The following EIF2S2 variants were observed in gnomAD, a reference collection of about 807,000 sequenced individuals.
The protein encoded by EIF2S2 is eukaryotic translation initiation factor 2 subunit 2.
In EIF2S2, 4 loss-of-function variants were observed where a neutral mutation model predicts 44.0. The ratio of observed to expected loss-of-function variants is 0.09; its 90% confidence interval spans 0.04 to 0.21. The LOEUF (loss-of-function observed/expected upper bound fraction) is 0.21. Among genes scored for constraint, EIF2S2 ranks in the 10% least tolerant of loss-of-function variants. The probability of loss-of-function intolerance (pLI) is 1.00; values close to 1 mark genes in which losing one functional copy is unlikely to be tolerated. For missense variants in EIF2S2, 154 were observed against 392.0 expected, an observed-to-expected ratio of 0.39 and a Z score of 5.13; for synonymous variants, 108 against 128.3, an observed-to-expected ratio of 0.84 and a Z score of 1.07.
intron 3 of EIF2S2, 76 bp downstream of exon 3, chr20:34,103,386 C>T: frequency 1.4e-6 from 2 of 1,462,998 alleles, no homozygotes; most frequent in Non-Finnish European, 1.8e-6. Context: ...AGAGATGAGT[C>T]AAAGAGAGGG....
At chr20:34,104,528 A>G (rs989668597) in intron 2 of EIF2S2, among the ~76,000 whole-genome samples, 5 of 152,228 alleles carry the variant, frequency 3.3e-5, no homozygotes, top group African/African-American at 7.2e-5. Flanking sequence ...CTAGCTCAAC[A>G]TTTTATTGAA....
intron 2 of EIF2S2, among the ~76,000 whole-genome samples, chr20:34,104,592 C>A (rs2122428200): frequency 6.6e-6 from 1 of 152,334 alleles, no homozygotes; most frequent in South Asian, 2.1e-4. Context: ...TAAAATACAG[C>A]TGTGCAGTAA....
Position 34,098,492 on chromosome 20 carries a change from C to CAGTA in EIF2S2, c.433+5_433+6insTACT. The CAGTA allele has an allele frequency of 6.2e-7, 1 of 1,612,636 alleles. No homozygotes were observed. Among genetic ancestry groups the CAGTA allele is most frequent in the Non-Finnish European group, 8.5e-7 (1 of 1,179,684 alleles). On this transcript the variant is annotated splice_donor_region_variant and intron_variant, in intron 4 of 8. Coordinates refer to ENST00000374980, the MANE Select transcript of EIF2S2 (RefSeq NM_003908.5). ...TCTAAATGTGCTGCTGAGTCCTCAG[C>CAGTA]ATTACCTTCATCTTTCTCTAGTATT... is the stretch of plus-strand genomic sequence containing the variant.
chr20:34,100,345 G>C (rs1471910128), intron 3 of EIF2S2, among the ~76,000 whole-genome samples: 2 of 152,128 alleles, frequency 1.3e-5, no homozygotes, highest in African/African-American at 2.4e-5. Context: ...ACTGGTGACT[G>C]AGCTCAATCT....
intron 7 of EIF2S2, among the ~76,000 whole-genome samples, 153 bp downstream of exon 7, chr20:34,093,522 C>T (rs1314079965): frequency 6.6e-6 from 1 of 152,202 alleles, no homozygotes; most frequent in Non-Finnish European, 1.5e-5. Context: ...CAAGCTCTCC[C>T]ACAGAAATGA....
rs1359715056 is a variant in EIF2S2, at chr20:34,093,746, A to G, written c.684-15T>C. 2 of 1,591,244 alleles carry G rather than the reference A, an allele frequency of 1.3e-6. No individual in the cohort carries two copies. Among genetic ancestry groups the G allele is most frequent in the African/African-American group, 2.7e-5 (2 of 74,332 alleles). On this transcript the variant is annotated splice_polypyrimidine_tract_variant and intron_variant, in intron 6 of 8. Coordinates refer to ENST00000374980, the MANE Select transcript of EIF2S2 (RefSeq NM_003908.5). ...GACGATGTAATCTAAAAAGAAAATC[A>G]AAATATATAAACCTTATCTCTCATG... is the stretch of plus-strand genomic sequence containing the variant.
chr20:34,099,724 C>T (rs1484777499), intron 3 of EIF2S2, among the ~76,000 whole-genome samples: 2 of 152,168 alleles, frequency 1.3e-5, no homozygotes, highest in Non-Finnish European at 2.9e-5. Flanking sequence ...TTCCCACATT[C>T]GCCATCAAGA....
At chr20:34,104,636 A>G (rs1041355634) in intron 2 of EIF2S2, among the ~76,000 whole-genome samples, 1 of 152,226 alleles carries the variant, frequency 6.6e-6, no homozygotes, top group African/African-American at 2.4e-5. Context: ...ACCTACCATT[A>G]ATGAGTAATA....
At chr20:34,105,312 G>C in intron 2 of EIF2S2, 56 bp downstream of exon 2, 1 of 1,569,044 alleles carries the variant, frequency 6.4e-7, no homozygotes, top group Non-Finnish European at 8.6e-7. Flanking sequence ...AAGCCAAAAC[G>C]CTCATAGAAC....
chr20:34,095,485 G>T (rs1044976901), intron 6 of EIF2S2, among the ~76,000 whole-genome samples: 10 of 151,986 alleles, frequency 6.6e-5, no homozygotes, highest in African/African-American at 2.2e-4. Context: ...CTTATTTTTT[G>T]TATTTTTTAG....
chr20:34,090,441 A>T, intron 8 of EIF2S2, 76 bp downstream of exon 8: 1 of 908,742 alleles, frequency 1.1e-6, no homozygotes, highest in African/African-American at 1.7e-5. Flanking sequence ...CACTGCAATC[A>T]AATGGCTCTT....
chr20:34,098,639 A>G lies in EIF2S2; in HGVS notation c.298-6T>C. The G allele has an allele frequency of 6.2e-7, 1 of 1,613,400 alleles. No individual in the cohort carries two copies. Among genetic ancestry groups the G allele is most frequent in the Non-Finnish European group, 8.5e-7 (1 of 1,179,860 alleles). ...TCACTTTCAATCTTAAGATCCTAAG[A>G]AAGTGAGATGAGTCTGAACATTTGA... On this transcript the variant is annotated splice_polypyrimidine_tract_variant and splice_region_variant and intron_variant, in intron 3 of 8. Transcript: ENST00000374980.
At position 34,096,290 on chromosome 20, in the gene EIF2S2, CA is replaced by C. The variant is rs3215514; in HGVS notation, c.683+366del. ...CAACACAGCAAGACCCACGTTTCTA[CA>C]AAAAAAAAAAAAAATTTTTTTAAAT... On this transcript the variant is annotated intron_variant, in intron 6 of 8. Transcript: ENST00000374980. Among the ~76,000 whole-genome samples, 396 of 136,866 alleles carry C rather than the reference CA, an allele frequency of 2.9e-3. 1 individual carries two copies. Among genetic ancestry groups the C allele is most frequent in the Middle Eastern group, 0.011 (3 of 270 alleles). 89.8% of individuals were successfully genotyped at this position (136,866 alleles called of 152,430 possible). A position where few individuals can be genotyped will look rare whatever the true frequency, so the allele number is the denominator to read the frequency against.
intron 2 of EIF2S2, 86 bp from the exon 3 acceptor site, chr20:34,103,651 A>T: frequency 7.2e-7 from 1 of 1,397,260 alleles, no homozygotes; most frequent in Non-Finnish European, 9.3e-7. Context: ...GCAATTAATC[A>T]AGTCACCAGA....
At chr20:34,096,546 C>CTG in intron 6 of EIF2S2, 111 bp downstream of exon 6, 1 of 1,122,586 alleles carries the variant, frequency 8.9e-7, no homozygotes, top group South Asian at 1.6e-5. Flanking sequence ...ACCCCTACAC[C>CTG]TGTGTGTTCT....
chr20:34,102,229 C>T (rs942984997), intron 3 of EIF2S2, among the ~76,000 whole-genome samples: 1 of 152,184 alleles, frequency 6.6e-6, no homozygotes, highest in African/African-American at 2.4e-5. Context: ...TTCTGTAGCA[C>T]ATCTCTACAT....
Position 34,089,883 on chromosome 20 carries a change from T to C in EIF2S2, c.849A>G (p.Thr283=), listed in dbSNP as rs1169555226. ...RYIKEYVTCH[T]CRSPDTILQK... is the part of the protein sequence containing the mutation. ...GCAGGATTGTGTCCGGTGATCGGCA[T>C]GTGTGACAAGTGACATATTCCTCTG... Residue 283 remains threonine (T), a synonymous_variant, in exon 9 of 9, where the codon ACA becomes ACG. Coordinates refer to ENST00000374980, the MANE Select transcript of EIF2S2 (RefSeq NM_003908.5). 6.2e-7 allele frequency: 1 copy of C among 1,612,098 alleles called. No homozygotes were observed. Among genetic ancestry groups the C allele is most frequent in the South Asian group, 1.1e-5 (1 of 90,966 alleles).
intron 7 of EIF2S2, among the ~76,000 whole-genome samples, chr20:34,090,885 A>G (rs1045869430): frequency 6.6e-6 from 1 of 151,804 alleles, no homozygotes; most frequent in African/African-American, 2.4e-5. Flanking sequence ...AGTAGCTAGG[A>G]CTACAGGCAC....
Position 34,092,113 on chromosome 20 carries a change from A to G in EIF2S2, c.741-1511T>C, listed in dbSNP as rs951589287. ...CAAGCAGGGTTAAATTTCCTCCTCC[A>G]CAGATTGTAACCCTTAATCTCCAGG... On this transcript the variant is annotated intron_variant, in intron 7 of 8. Transcript: ENST00000374980. 2.4e-4 allele frequency among the ~76,000 whole-genome samples: 36 copies of G among 152,318 alleles called. 1 individual carries two copies. The highest frequency in any genetic ancestry group is 1.3e-4 in the Admixed American group (2 of 15,302).
Sources: allele counts gnomAD v4.1 joint callset (sites outside exome capture counted in the v4.1 genomes callset), GRCh38; gene constraint gnomAD v4.1.1; transcripts MANE v1.5; gene names NCBI Gene and HGNC (gene_info 2026-07-23, HGNC 2026-07-21).